The following RFTN1 variants were observed in gnomAD, a reference collection of about 807,000 sequenced individuals.
The protein encoded by RFTN1 is raftlin, lipid raft linker 1.
Under a neutral mutation model 46.5 loss-of-function variants are expected in RFTN1, and 26 were observed. The ratio of observed to expected loss-of-function variants is 0.56; its 90% CI spans 0.41 to 0.78. The LOEUF is 0.78. RFTN1 is among the 30% of genes least tolerant of loss of function. The pLI is 0.00. For missense variants in RFTN1, 693 were observed against 718.7 expected (o/e 0.96, Z 0.41); for synonymous variants, 261 against 284.2 (o/e 0.92, Z 0.82).
At position 16,483,419 on chromosome 3, in the gene RFTN1, T is replaced by C. The variant is rs973704313; in HGVS notation, c.145+10306A>G. ...CCATCTTAGCCAGCTCCCTGAGACA[T>C]CACAGACTTAAGCTGAGTCTGTTGA... is the stretch of plus-strand genomic sequence containing the variant. On this transcript the variant is annotated intron_variant, in intron 2 of 9. Transcript: ENST00000334133. This position sits in a 1 kb window ranked among gnomAD's most constrained non-coding sequence, Gnocchi z 4.8. Among the ~76,000 whole-genome samples, 2 of 152,100 alleles carry C rather than the reference T, an allele frequency of 1.3e-5. No individual in the cohort carries two copies. The highest frequency in any genetic ancestry group is 4.8e-5 in the African/African-American group (2 of 41,426).
In RFTN1 at chr3:16,428,393, T is replaced by A. The variant is rs2075324216; in HGVS notation, c.332+5458A>T. On this transcript the variant is annotated intron_variant, in intron 3 of 9. Coordinates refer to ENST00000334133, the MANE Select transcript of RFTN1 (RefSeq NM_015150.2). The surrounding 1 kb of genome is among the most constrained non-coding windows in gnomAD (Gnocchi z 4.7). Reference sequence around the variant, plus strand: ...TCTGATCTAGTCCTGAAGGAAGACATGCATTGGTCAGGTAGAGAGATGCCA... The same window carrying A: ...TCTGATCTAGTCCTGAAGGAAGACAAGCATTGGTCAGGTAGAGAGATGCCA... Among the ~76,000 whole-genome samples the A allele has an allele frequency of 6.6e-6, 1 of 152,242 alleles. No homozygotes were observed. The highest frequency in any genetic ancestry group is 2.4e-5 in the African/African-American group (1 of 41,464).
chr3:16,496,452 T>C (rs1575374894), intron 1 of RFTN1, among the ~76,000 whole-genome samples: 1 of 152,108 alleles, frequency 6.6e-6, no homozygotes, highest in Non-Finnish European at 1.5e-5. Context: ...CATGAGGATA[T>C]GCAAATGGCC....
intron 2 of RFTN1, among the ~76,000 whole-genome samples, chr3:16,490,835 T>C (rs1469096849): frequency 3.3e-5 from 5 of 152,212 alleles, no homozygotes; most frequent in African/African-American, 1.2e-4. Context: ...TTTCCGAGCA[T>C]AGGCATGACA....
chr3:16,390,453 T>G (rs1486719972), intron 4 of RFTN1, among the ~76,000 whole-genome samples: 4 of 145,380 alleles, frequency 2.8e-5, no homozygotes, highest in Non-Finnish European at 6.2e-5. Flanking sequence ...GCATCCAAAC[T>G]GCTGGAAAAA....
chr3:16,459,596 AAAT>A lies in RFTN1; in HGVS notation c.146-25562_146-25560del, dbSNP rs1370078735. Among the ~76,000 whole-genome samples the A allele has an allele frequency of 3.9e-5, 6 of 152,024 alleles. No individual in the cohort carries two copies. The highest frequency in any genetic ancestry group is 1.4e-4 in the African/African-American group (6 of 41,386). Reference sequence around the variant, plus strand: ...GACAGAGTGAGACCCTGTGTTTCTAAAATAATAATAATAATAAGTAAATAAATG... The same window carrying A: ...GACAGAGTGAGACCCTGTGTTTCTAAAATAATAATAATAAGTAAATAAATG... On this transcript the variant is annotated intron_variant, in intron 2 of 9. Transcript: ENST00000334133. The surrounding 1 kb of genome is among the most constrained non-coding windows in gnomAD (Gnocchi z 4.2).
Position 16,316,747 on chromosome 3 carries a change from G to A in RFTN1, c.*81C>T. ...AGGGTAGGTAACACACAACACCAGG[G>A]AAACCAGCCCCCAAACCAGCTGTTG... is the stretch of plus-strand genomic sequence containing the variant. On this transcript the variant is annotated 3_prime_UTR_variant, in exon 10 of 10. Coordinates refer to ENST00000334133, the MANE Select transcript of RFTN1 (RefSeq NM_015150.2). This position sits in a 1 kb window ranked among gnomAD's most constrained non-coding sequence, Gnocchi z 4.5. 1.3e-6 allele frequency: 2 copies of A among 1,561,482 alleles called. No individual in the cohort carries two copies. Among genetic ancestry groups the A allele is most frequent in the Non-Finnish European group, 1.8e-6 (2 of 1,136,248 alleles).
In RFTN1 at chr3:16,346,594, A is replaced by T. The variant is rs2071736220; in HGVS notation, c.1146+11338T>A. On this transcript the variant is annotated intron_variant, in intron 7 of 9. Coordinates refer to ENST00000334133, the MANE Select transcript of RFTN1 (RefSeq NM_015150.2). The surrounding 1 kb of genome is among the most constrained non-coding windows in gnomAD (Gnocchi z 4.4). ...ATGGCCCAGGGCTTCTTCCTCACTG[A>T]CACCCCCCAGGCCTGGACAACCATG... Among the ~76,000 whole-genome samples, 1 of 152,026 alleles carries T rather than the reference A, an allele frequency of 6.6e-6. No homozygotes were observed. Among genetic ancestry groups the T allele is most frequent in the Non-Finnish European group, 1.5e-5 (1 of 67,992 alleles).
intron 4 of RFTN1, among the ~76,000 whole-genome samples, chr3:16,404,216 AATAT>A (rs1242519773): frequency 2.6e-3 from 1 of 380 alleles, no homozygotes; most frequent in Non-Finnish European, 5.0e-3. Context: ...TATATTATAT[AATAT>A]ATATTTTATA....
At chr3:16,398,172 G>A (rs1372912734) in intron 4 of RFTN1, among the ~76,000 whole-genome samples, 13 of 150,510 alleles carry the variant, frequency 8.6e-5, no homozygotes, top group South Asian at 4.2e-4. Context: ...GCTTGAACCC[G>A]GGAGGTGGAG....
intron 1 of RFTN1, among the ~76,000 whole-genome samples, chr3:16,508,668 T>A (rs576288469): frequency 6.7e-6 from 1 of 148,888 alleles, no homozygotes; most frequent in Admixed American, 6.8e-5. Flanking sequence ...AAAAACTGAA[T>A]GTGAATGGAA....
At chr3:16,497,705 C>T (rs550122703) in intron 1 of RFTN1, among the ~76,000 whole-genome samples, 9 of 152,344 alleles carry the variant, frequency 5.9e-5, no homozygotes, top group Non-Finnish European at 1.3e-4. Flanking sequence ...TGTAAATTCT[C>T]ATATTAGAGG....
rs1247212016 is a variant in RFTN1, at chr3:16,480,225, T to TA, written c.145+13499_145+13500insT. On this transcript the variant is annotated intron_variant, in intron 2 of 9. Coordinates refer to ENST00000334133, the MANE Select transcript of RFTN1 (RefSeq NM_015150.2). This position sits in a 1 kb window ranked among gnomAD's most constrained non-coding sequence, Gnocchi z 4.3. Reference sequence around the variant, plus strand: ...TTGGGAATATATTATTATACCTATCTTGTGTCAAAGCAACATGCATTCCTT... The same window carrying TA: ...TTGGGAATATATTATTATACCTATCTATGTGTCAAAGCAACATGCATTCCTT... 2.0e-5 allele frequency among the ~76,000 whole-genome samples: 3 copies of TA among 152,240 alleles called. No homozygotes were observed. The highest frequency in any genetic ancestry group is 2.9e-5 in the Non-Finnish European group (2 of 68,046).
chr3:16,403,025 TC>T (rs1400397855), intron 4 of RFTN1, among the ~76,000 whole-genome samples: 1 of 152,110 alleles, frequency 6.6e-6, no homozygotes, highest in Non-Finnish European at 1.5e-5. Flanking sequence ...CGTGGCTTTC[TC>T]CCGCAGGCAG....
rs1482665459 is a variant in RFTN1, at chr3:16,466,386, A to G, written c.145+27339T>C. ...TCTGTTGTTATTTACCTATGATAGT[A>G]AAAATATTGCAAAAATTACCAAATT... On this transcript the variant is annotated intron_variant, in intron 2 of 9. Transcript: ENST00000334133. The surrounding 1 kb of genome is among the most constrained non-coding windows in gnomAD (Gnocchi z 5.6). Among the ~76,000 whole-genome samples, 1 of 152,238 alleles carries G rather than the reference A, an allele frequency of 6.6e-6. No individual in the cohort carries two copies. Among genetic ancestry groups the G allele is most frequent in the Non-Finnish European group, 1.5e-5 (1 of 68,040 alleles).
intron 2 of RFTN1, among the ~76,000 whole-genome samples, chr3:16,435,702 T>G (rs2075496772): frequency 6.6e-6 from 1 of 152,194 alleles, no homozygotes; most frequent in Non-Finnish European, 1.5e-5. Flanking sequence ...AAACTTTTGC[T>G]CTTACAAGTA....
At chr3:16,415,430 T>TATATATATATATACACACACACACAC in intron 3 of RFTN1, among the ~76,000 whole-genome samples, 1 of 114,276 alleles carries the variant, frequency 8.8e-6, no homozygotes, top group Non-Finnish European at 2.0e-5. Context: ...TATATATATA[T>TATATATATATATACACACACACACAC]ACACACACAC....
At position 16,473,542 on chromosome 3, in the gene RFTN1, A is replaced by C. The variant is rs1216127272; in HGVS notation, c.145+20183T>G. Reference sequence around the variant, plus strand: ...CAGCCTCCCAAGGAGCTGGGACTACAGGCATGCACCGCCCTGCCTGGCTAA... The same window carrying C: ...CAGCCTCCCAAGGAGCTGGGACTACCGGCATGCACCGCCCTGCCTGGCTAA... On this transcript the variant is annotated intron_variant, in intron 2 of 9. Transcript: ENST00000334133. The surrounding 1 kb of genome is among the most constrained non-coding windows in gnomAD (Gnocchi z 5.3). 1.3e-5 allele frequency among the ~76,000 whole-genome samples: 2 copies of C among 151,806 alleles called. No homozygotes were observed. Among genetic ancestry groups the C allele is most frequent in the Non-Finnish European group, 2.9e-5 (2 of 67,946 alleles).
intron 4 of RFTN1, among the ~76,000 whole-genome samples, chr3:16,391,858 G>T (rs1343565576): frequency 2.0e-5 from 1 of 49,122 alleles, no homozygotes; most frequent in Non-Finnish European, 5.4e-5. Flanking sequence ...TAGTGCAAAG[G>T]TTTTTTTTTT....
Position 16,421,898 on chromosome 3 carries a change from C to T in RFTN1, c.332+11953G>A, listed in dbSNP as rs919212028. Among the ~76,000 whole-genome samples, 1 of 152,168 alleles carries T rather than the reference C, an allele frequency of 6.6e-6. No individual in the cohort carries two copies. Among genetic ancestry groups the T allele is most frequent in the African/African-American group, 2.4e-5 (1 of 41,420 alleles). On this transcript the variant is annotated intron_variant, in intron 3 of 9. Coordinates refer to ENST00000334133, the MANE Select transcript of RFTN1 (RefSeq NM_015150.2). The surrounding 1 kb of genome is among the most constrained non-coding windows in gnomAD (Gnocchi z 4.6). ...ACTGAGATCTCAGCTGAAAGTGCTT[C>T]CCTGAACCCAGCCCTTCTGCAGGCC...
Sources: allele counts gnomAD v4.1 joint callset (sites outside exome capture counted in the v4.1 genomes callset), GRCh38; gene constraint gnomAD v4.1.1; non-coding constraint Gnocchi (gnomAD v3.1); transcripts MANE v1.5; gene names NCBI Gene and HGNC (gene_info 2026-07-23, HGNC 2026-07-21).